The following MARCHF6 variants were observed in gnomAD, a reference collection of about 807,000 sequenced individuals.
MARCHF6 encodes E3 ubiquitin-protein ligase MARCHF6.
In MARCHF6, 31 loss-of-function variants were observed where a neutral mutation model predicts 133.7. That is an observed-to-expected ratio of 0.23 (90% CI 0.17 to 0.31). The LOEUF (loss-of-function observed/expected upper bound fraction) is 0.31, where lower values mean the gene tolerates loss of function less well. Among genes scored for constraint, MARCHF6 ranks in the 10% least tolerant of loss-of-function variants. The probability of loss-of-function intolerance (pLI) is 1.00; values close to 1 mark genes in which losing one functional copy is unlikely to be tolerated. For synonymous variants in MARCHF6, 395 were observed against 402.5 expected (o/e 0.98, Z 0.22); for missense variants, 723 against 1,121.6 (o/e 0.64, Z 5.08).
intron 8 of MARCHF6, 41 bp downstream of exon 8, chr5:10,394,184 T>TA: frequency 1.5e-6 from 2 of 1,300,928 alleles, no homozygotes; most frequent in Non-Finnish European, 2.1e-6. Flanking sequence ...GTTTTAATCC[T>TA]AAAATATATT....
At chr5:10,410,628 G>A (rs1739172981) in intron 18 of MARCHF6, among the ~76,000 whole-genome samples, 1 of 151,818 alleles carries the variant, frequency 6.6e-6, no homozygotes, top group South Asian at 2.1e-4. Context: ...CCTGGGAAAT[G>A]GGTTCTTCTC....
At chr5:10,378,975 G>T (rs538532781) in intron 3 of MARCHF6, 143 bp downstream of exon 3, 25 of 530,296 alleles carry the variant, frequency 4.7e-5, no homozygotes, top group East Asian at 4.0e-4. Flanking sequence ...GATTTTTTTT[G>T]ATAGTAATAG....
At chr5:10,390,240 TC>T in intron 5 of MARCHF6, 91 bp from the exon 6 acceptor site, 14 of 956,138 alleles carry the variant, frequency 1.5e-5, no homozygotes, top group Admixed American at 5.1e-5. Context: ...TTTTTTTTTT[TC>T]TGAGACTTTA....
At chr5:10,358,471 G>A (rs184528292) in intron 1 of MARCHF6, among the ~76,000 whole-genome samples, 1 of 152,276 alleles carries the variant, frequency 6.6e-6, no homozygotes, top group Admixed American at 6.5e-5. Flanking sequence ...GAAAAAAATA[G>A]ATGATTACCT....
At chr5:10,365,463 G>A (rs911882264) in intron 1 of MARCHF6, among the ~76,000 whole-genome samples, 2 of 152,048 alleles carry the variant, frequency 1.3e-5, no homozygotes, top group Non-Finnish European at 2.9e-5. Context: ...ACCACACCTG[G>A]CTAATTTTGT....
At chr5:10,390,187 T>G in intron 5 of MARCHF6, 145 bp from the exon 6 acceptor site, 4 of 658,240 alleles carry the variant, frequency 6.1e-6, no homozygotes, top group Non-Finnish European at 1.0e-5. Flanking sequence ...TGGAGAAACT[T>G]GAGATTTTCA....
chr5:10,364,867 G>A (rs567894142), intron 1 of MARCHF6, among the ~76,000 whole-genome samples: 31 of 152,242 alleles, frequency 2.0e-4, no homozygotes, highest in African/African-American at 7.5e-4. Context: ...GCAATGGTGC[G>A]ATCTTGGCTG....
intron 19 of MARCHF6, 72 bp from the exon 20 acceptor site, chr5:10,414,361 G>T: frequency 1.2e-6 from 1 of 838,240 alleles, no homozygotes. Flanking sequence ...TGGGAAGATT[G>T]TGTTGATTCT....
At chr5:10,414,596 G>A in intron 20 of MARCHF6, 94 bp downstream of exon 20, 2 of 995,530 alleles carry the variant, frequency 2.0e-6, no homozygotes, top group Non-Finnish European at 3.1e-6. Flanking sequence ...AGTCTGGAGG[G>A]TAGTAGTATG....
At chr5:10,410,792 G>A (rs1300708803) in intron 18 of MARCHF6, among the ~76,000 whole-genome samples, 1 of 152,086 alleles carries the variant, frequency 6.6e-6, no homozygotes, top group Admixed American at 6.5e-5. Context: ...GGTTATATTT[G>A]CTTGAACATC....
chr5:10,423,703 A>C (rs576303459), intron 22 of MARCHF6, 32 bp from the exon 23 acceptor site: 1 of 1,453,380 alleles, frequency 6.9e-7, no homozygotes, highest in East Asian at 2.3e-5. Flanking sequence ...AAAAAACAAC[A>C]GAAATATGTT....
intron 23 of MARCHF6, among the ~76,000 whole-genome samples, chr5:10,426,035 A>G (rs1356372715): frequency 6.6e-6 from 1 of 152,262 alleles, no homozygotes; most frequent in Admixed American, 6.5e-5. Context: ...ATTACATATT[A>G]CGTATCTCTT....
At chr5:10,419,050 A>G (rs566193051) in intron 22 of MARCHF6, among the ~76,000 whole-genome samples, 1 of 152,200 alleles carries the variant, frequency 6.6e-6, no homozygotes, top group South Asian at 2.1e-4. Context: ...CAAGGCATGC[A>G]TATGTGGGGA....
intron 7 of MARCHF6, 25 bp from the exon 8 acceptor site, chr5:10,394,057 C>A: frequency 7.2e-7 from 1 of 1,387,934 alleles, no homozygotes; most frequent in Non-Finnish European, 9.7e-7. Context: ...TTCAAGTAAT[C>A]TTTAAATTGC....
rs952713901 is a variant in MARCHF6, at chr5:10,435,396, C to T, written c.*1712C>T. Reference sequence around the variant, plus strand: ...CAAAATTGGAAAAAAAAAAAAAAATCAGTATCAGAAATAATGCTTGACATA... The same window carrying T: ...CAAAATTGGAAAAAAAAAAAAAAATTAGTATCAGAAATAATGCTTGACATA... On this transcript the variant is annotated 3_prime_UTR_variant, in exon 26 of 26. Transcript: ENST00000274140. 1 of 148,182 alleles carries T rather than the reference C, an allele frequency of 6.7e-6. No homozygotes were observed. Among genetic ancestry groups the T allele is most frequent in the Non-Finnish European group, 1.5e-5 (1 of 67,216 alleles). 9.2% of individuals were successfully genotyped at this position (148,182 alleles called of 1,614,324 possible). A position where few individuals can be genotyped will look rare whatever the true frequency, so the allele number is the denominator to read the frequency against.
Position 10,435,662 on chromosome 5 carries a change from T to TAG in MARCHF6, c.*1979_*1980insGA, listed in dbSNP as rs1740598004. 1 of 7,422 alleles carries TAG rather than the reference T, an allele frequency of 1.3e-4. No homozygotes were observed. Among genetic ancestry groups the TAG allele is most frequent in the Non-Finnish European group, 2.6e-4 (1 of 3,892 alleles). The allele number at this position is 7,422 out of a possible 1,614,324, so 0.5% of individuals were successfully genotyped here. ...AACTATATATATATATATATATATA[T>TAG]ATATATATATATATATATATATATA... On this transcript the variant is annotated 3_prime_UTR_variant, in exon 26 of 26. Coordinates refer to ENST00000274140, the MANE Select transcript of MARCHF6 (RefSeq NM_005885.4).
intron 25 of MARCHF6, among the ~76,000 whole-genome samples, chr5:10,431,073 C>G (rs545263476): frequency 1.4e-4 from 21 of 152,226 alleles, no homozygotes; most frequent in African/African-American, 5.1e-4. Context: ...GCTTGTCCCC[C>G]CTTGCACAAC....
In MARCHF6 at chr5:10,415,755, A is replaced by G. The variant is rs1044512895; in HGVS notation, c.2148+86A>G. On this transcript the variant is annotated intron_variant, in intron 21 of 25. Coordinates refer to ENST00000274140, the MANE Select transcript of MARCHF6 (RefSeq NM_005885.4). Reference sequence around the variant, plus strand: ...CATCTTAAATTTTTTTTTTTGGCACATTTATTTCCTTACTATATTGTTTCA... The same window carrying G: ...CATCTTAAATTTTTTTTTTTGGCACGTTTATTTCCTTACTATATTGTTTCA... 22 of 1,116,454 alleles carry G rather than the reference A, an allele frequency of 2.0e-5. No individual in the cohort carries two copies. In the African/African-American group the frequency reaches 3.3e-4, roughly 17 times the overall value. 69.2% of individuals were successfully genotyped at this position (1,116,454 alleles called of 1,614,324 possible).
intron 10 of MARCHF6, among the ~76,000 whole-genome samples, chr5:10,400,426 C>T (rs1197159970): frequency 6.6e-6 from 1 of 152,060 alleles, no homozygotes; most frequent in South Asian, 2.1e-4. Context: ...GTTGCTTTTT[C>T]TCTTTTCGTG....
Sources: allele counts gnomAD v4.1 joint callset (sites outside exome capture counted in the v4.1 genomes callset), GRCh38; gene constraint gnomAD v4.1.1; transcripts MANE v1.5; gene names NCBI Gene and HGNC (gene_info 2026-07-23, HGNC 2026-07-21).